Variants in NTRK3 observed in about 807,000 individuals in gnomAD.
NTRK3 encodes NT-3 growth factor receptor.
In NTRK3, 24 loss-of-function variants were observed where a neutral mutation model predicts 91.7. The observed-to-expected ratio is 0.26, with a 90% CI of 0.19 to 0.37. The LOEUF (loss-of-function observed/expected upper bound fraction) is 0.37, where lower values mean the gene tolerates loss of function less well. Ranked by LOEUF, NTRK3 falls within the 10% of genes least tolerant of loss-of-function variation. The pLI, the probability that NTRK3 is intolerant of heterozygous loss-of-function variation, is 1.00. For missense variants in NTRK3, 880 were observed against 1,068.9 expected (o/e 0.82, Z 2.46); for synonymous variants, 483 against 404.0 (o/e 1.20, Z -2.34).
chr15:88,124,672 G>A (rs1349245080), intron 13 of NTRK3, among the ~76,000 whole-genome samples: 1 of 152,176 alleles, frequency 6.6e-6, no homozygotes, highest in Non-Finnish European at 1.5e-5. Context: ...ATTGAAAGCT[G>A]TGCGCTCACT....
exon 19 of NTRK3, chr15:87,869,361 T>C (rs2064766530): frequency 4.4e-6 from 1 of 229,000 alleles, no homozygotes; most frequent in African/African-American, 2.2e-5. Flanking sequence ...CAATGAGCTT[T>C]GCAGTAAAAT....
chr15:87,965,520 G>A (rs1195689177), intron 14 of NTRK3, among the ~76,000 whole-genome samples: 1 of 152,080 alleles, frequency 6.6e-6, no homozygotes, highest in Non-Finnish European at 1.5e-5. Flanking sequence ...CAACTGGGTG[G>A]GCCTGTAAGA....
chr15:88,024,235 A>C (rs2077834009), intron 14 of NTRK3, among the ~76,000 whole-genome samples: 1 of 152,234 alleles, frequency 6.6e-6, no homozygotes, highest in African/African-American at 2.4e-5. Flanking sequence ...CAGATCTAGC[A>C]GTTCCAGCTT....
intron 13 of NTRK3, among the ~76,000 whole-genome samples, chr15:88,102,082 C>T (rs1597324281): frequency 6.6e-6 from 1 of 152,080 alleles, no homozygotes; most frequent in East Asian, 1.9e-4. Context: ...GTATCCCCAA[C>T]CACCAGAACC....
chr15:88,089,460 A>G (rs1338743383), intron 13 of NTRK3, among the ~76,000 whole-genome samples: 2 of 152,248 alleles, frequency 1.3e-5, no homozygotes, highest in African/African-American at 4.8e-5. Flanking sequence ...CTAACATGGC[A>G]GATTAATTAC....
In NTRK3 at chr15:87,861,480, C is replaced by G. The variant is rs79709202; in HGVS notation, c.*15455G>C. On this transcript the variant is annotated 3_prime_UTR_variant, in exon 19 of 19. Transcript: ENST00000394480. ...TTGAAATAAGATATGTAAAGTAGCA[C>G]TTAGTTTAATACAAGTTTTGTTCTG... 1.7e-3 allele frequency: 329 copies of G among 199,192 alleles called. 4 individuals carry two copies. In the East Asian group the frequency reaches 0.02, roughly 12 times the overall value. The allele number at this position is 199,192 out of a possible 1,614,324, so 12.3% of individuals were successfully genotyped here. A position where few individuals can be genotyped will look rare whatever the true frequency, so the allele number is the denominator to read the frequency against.
chr15:87,973,294 T>C (rs184298028), intron 14 of NTRK3, among the ~76,000 whole-genome samples: 1 of 152,328 alleles, frequency 6.6e-6, no homozygotes, highest in Admixed American at 6.5e-5. Context: ...GGGGTCACTC[T>C]ATGCAAGTTT....
chr15:87,989,789 T>C (rs2075144894), intron 14 of NTRK3, among the ~76,000 whole-genome samples: 1 of 151,978 alleles, frequency 6.6e-6, no homozygotes, highest in Non-Finnish European at 1.5e-5. Flanking sequence ...GTATTTTTAG[T>C]AGAGATGTGG....
chr15:88,002,276 G>C (rs57675997), intron 14 of NTRK3, among the ~76,000 whole-genome samples: 1 of 146,606 alleles, frequency 6.8e-6, no homozygotes, highest in Non-Finnish European at 1.5e-5. Context: ...TCACACAGGA[G>C]AACTGTACCA....
chr15:88,093,952 G>A (rs2049296796), intron 13 of NTRK3, among the ~76,000 whole-genome samples: 2 of 152,166 alleles, frequency 1.3e-5, no homozygotes, highest in African/African-American at 2.4e-5. Context: ...ACTGAGGCTT[G>A]GGGAGGGCAA....
intron 3 of NTRK3, among the ~76,000 whole-genome samples, chr15:88,229,758 G>T (rs1054274463): frequency 7.2e-5 from 11 of 152,230 alleles, no homozygotes; most frequent in African/African-American, 2.4e-4. Context: ...ATCCACATGA[G>T]ATAAAGCAAT....
At chr15:88,160,207 G>A (rs1297049305) in intron 5 of NTRK3, among the ~76,000 whole-genome samples, 1 of 152,180 alleles carries the variant, frequency 6.6e-6, no homozygotes, top group Non-Finnish European at 1.5e-5. Context: ...CCCCAGCCAT[G>A]GTCAAGGGGG....
At chr15:88,030,607 T>C (rs1438024393) in intron 14 of NTRK3, among the ~76,000 whole-genome samples, 1 of 152,156 alleles carries the variant, frequency 6.6e-6, no homozygotes, top group Non-Finnish European at 1.5e-5. Context: ...GATTCTGTAT[T>C]TGGGAATTCA....
At chr15:87,990,076 T>A (rs905242608) in intron 14 of NTRK3, among the ~76,000 whole-genome samples, 1 of 152,190 alleles carries the variant, frequency 6.6e-6, no homozygotes, top group African/African-American at 2.4e-5. Context: ...CCAAATCCTA[T>A]AATAATGACT....
intron 5 of NTRK3, among the ~76,000 whole-genome samples, chr15:88,148,776 G>T (rs2151325478): frequency 6.6e-6 from 1 of 152,302 alleles, no homozygotes; most frequent in South Asian, 2.1e-4. Flanking sequence ...CTGGAAGTTG[G>T]CAGGCCAGCT....
At chr15:88,077,762 T>C (rs1171830648) in intron 13 of NTRK3, among the ~76,000 whole-genome samples, 1 of 152,044 alleles carries the variant, frequency 6.6e-6, no homozygotes, top group African/African-American at 2.4e-5. Flanking sequence ...TGTCACGGAG[T>C]TGGGATGTGG....
intron 13 of NTRK3, among the ~76,000 whole-genome samples, chr15:88,111,680 GCCAGACAAACCTGTGACCCT>G (rs1433167986): frequency 6.6e-6 from 1 of 152,212 alleles, no homozygotes; most frequent in Non-Finnish European, 1.5e-5. Context: ...TGGCTTGGAA[GCCAGACAAACCTGTGACCCT>G]CCTTAGAACT....
chr15:87,919,275 T>G (rs1209831031), intron 17 of NTRK3, among the ~76,000 whole-genome samples: 2 of 152,180 alleles, frequency 1.3e-5, no homozygotes, highest in African/African-American at 4.8e-5. Context: ...CATTTGTCAC[T>G]GGCTGCCAAG....
chr15:88,184,803 C>T (rs2046820554), intron 3 of NTRK3, among the ~76,000 whole-genome samples: 1 of 152,232 alleles, frequency 6.6e-6, no homozygotes, highest in African/African-American at 2.4e-5. Flanking sequence ...TCCAGCATCA[C>T]CAGGGTCTAG....
Sources: gnomAD v4.1 joint callset for allele counts (sites outside exome capture counted in the v4.1 genomes callset) on GRCh38, gnomAD v4.1.1 for gene constraint, MANE v1.5 for transcripts, NCBI Gene and HGNC (gene_info 2026-07-23, HGNC 2026-07-21) for gene names.